Variants in PDSS2 observed in about 807,000 individuals in gnomAD.
The protein encoded by PDSS2 is decaprenyl diphosphate synthase subunit 2.
Under a neutral mutation model 44.5 loss-of-function variants are expected in PDSS2, and 31 were observed. That is an observed-to-expected ratio of 0.70 (90% CI 0.52 to 0.94). The LOEUF is 0.94. PDSS2 is among the 40% of genes least tolerant of loss of function. PDSS2 has a pLI of 0.00. For missense variants in PDSS2, 452 were observed against 482.2 expected (o/e 0.94, Z 0.59); for synonymous variants, 157 against 180.3 (o/e 0.87, Z 1.03).
At chr6:107,314,398 AT>A (rs1241099098) in intron 2 of PDSS2, among the ~76,000 whole-genome samples, 3 of 152,024 alleles carry the variant, frequency 2.0e-5, no homozygotes, top group Non-Finnish European at 2.9e-5. Flanking sequence ...CTAAAAATAT[AT>A]TTTTTTCTTT....
intron 2 of PDSS2, among the ~76,000 whole-genome samples, chr6:107,321,407 C>A (rs1193820444): frequency 1.3e-5 from 2 of 152,144 alleles, no homozygotes; most frequent in Non-Finnish European, 2.9e-5. Context: ...ATACATAAAT[C>A]AGTATTTACA....
chr6:107,384,605 C>T (rs1222717704), intron 1 of PDSS2, among the ~76,000 whole-genome samples: 1 of 150,216 alleles, frequency 6.7e-6, no homozygotes, highest in African/African-American at 2.5e-5. Context: ...CACGCTATTG[C>T]ATTCCAGTCC....
intron 1 of PDSS2, among the ~76,000 whole-genome samples, chr6:107,454,227 T>C (rs1230171791): frequency 6.6e-6 from 1 of 151,996 alleles, no homozygotes; most frequent in Non-Finnish European, 1.5e-5. Flanking sequence ...TTGGTATTTT[T>C]TGTAGAGATG....
intron 2 of PDSS2, among the ~76,000 whole-genome samples, chr6:107,328,269 C>T (rs913763051): frequency 1.3e-5 from 2 of 152,170 alleles, no homozygotes; most frequent in African/African-American, 4.8e-5. Flanking sequence ...GAGAGGTTAT[C>T]TAACTTGTCT....
intron 1 of PDSS2, among the ~76,000 whole-genome samples, chr6:107,401,633 C>T (rs1006661286): frequency 4.6e-5 from 7 of 152,044 alleles, no homozygotes; most frequent in African/African-American, 1.7e-4. Flanking sequence ...AGAAGCTCAA[C>T]AAGATAAAAG....
intron 7 of PDSS2, among the ~76,000 whole-genome samples, chr6:107,169,310 C>G (rs112823194): frequency 6.6e-6 from 1 of 152,076 alleles, no homozygotes; most frequent in Non-Finnish European, 1.5e-5. Flanking sequence ...AGTTCTTGTG[C>G]CATGGTTTTC....
intron 1 of PDSS2, among the ~76,000 whole-genome samples, chr6:107,382,165 A>G (rs926446849): frequency 1.3e-5 from 2 of 152,228 alleles, no homozygotes; most frequent in African/African-American, 4.8e-5. Flanking sequence ...TACAGCACAT[A>G]TCTGTGTATT....
intron 1 of PDSS2, among the ~76,000 whole-genome samples, chr6:107,400,005 G>A (rs1473020209): frequency 3.9e-5 from 6 of 152,002 alleles, no homozygotes; most frequent in East Asian, 1.9e-4. Flanking sequence ...AAATAAGAGC[G>A]GGCAGCAGCT....
intron 2 of PDSS2, among the ~76,000 whole-genome samples, chr6:107,289,458 G>A (rs1186420933): frequency 6.6e-6 from 1 of 151,958 alleles, no homozygotes; most frequent in African/African-American, 2.4e-5. Context: ...CAAGCACTGT[G>A]GGAGGACAAG....
rs566058286 is a variant in PDSS2, at chr6:107,459,504, C to T, written c.-219G>A. On this transcript the variant is annotated 5_prime_UTR_variant, in exon 1 of 8. Coordinates refer to ENST00000369037, the MANE Select transcript of PDSS2 (RefSeq NM_020381.4). The surrounding 1 kb of genome is among the most constrained non-coding windows in gnomAD (Gnocchi z 4.3). ...AACAGTCCCAGCTCAGCACTGCCCC[C>T]GGCCACCCGGGGTAGAAACCACAGC... 3.5e-6 allele frequency: 2 copies of T among 577,608 alleles called. No homozygotes were observed. Among genetic ancestry groups the T allele is most frequent in the African/African-American group, 1.9e-5 (1 of 53,474 alleles). The allele number at this position is 577,608 out of a possible 1,614,324, so 35.8% of individuals were successfully genotyped here. A position where few individuals can be genotyped will look rare whatever the true frequency, so the allele number is the denominator to read the frequency against.
rs1774107012 is a variant in PDSS2, at chr6:107,233,097, G to GGC, written c.702+12450_702+12451insGC. ...CTCCTAAAGTGCTGGGATTACAGATGTGAGCCACTGCGCTGGGTCCAATAG... is the reference window on the plus strand; with the variant it reads ...CTCCTAAAGTGCTGGGATTACAGATGGCTGAGCCACTGCGCTGGGTCCAATAG... On this transcript the variant is annotated intron_variant, in intron 4 of 7. Transcript: ENST00000369037. Among the ~76,000 whole-genome samples, 5 of 152,154 alleles carry GGC rather than the reference G, an allele frequency of 3.3e-5. No individual in the cohort carries two copies. In the South Asian group the frequency reaches 1.0e-3, roughly 32 times the overall value.
intron 1 of PDSS2, among the ~76,000 whole-genome samples, chr6:107,388,090 GA>G (rs1395967765): frequency 6.6e-5 from 10 of 151,926 alleles, no homozygotes; most frequent in African/African-American, 2.4e-4. Context: ...ATCAAAAAAC[GA>G]AGAAAAGAAA....
chr6:107,309,195 T>C (rs770956133), intron 2 of PDSS2, among the ~76,000 whole-genome samples: 2 of 152,244 alleles, frequency 1.3e-5, no homozygotes, highest in Non-Finnish European at 2.9e-5. Flanking sequence ...CAGTTAATTA[T>C]CAGAATGTCA....
At chr6:107,253,761 G>A (rs1774906400) in intron 3 of PDSS2, among the ~76,000 whole-genome samples, 1 of 152,064 alleles carries the variant, frequency 6.6e-6, no homozygotes, top group Admixed American at 6.6e-5. Flanking sequence ...CATGGTCTTG[G>A]ACTACTGAAG....
chr6:107,428,045 T>C (rs796168345), intron 1 of PDSS2, among the ~76,000 whole-genome samples: 1 of 152,380 alleles, frequency 6.6e-6, no homozygotes, highest in Non-Finnish European at 1.5e-5. Context: ...ATATCTATAA[T>C]GTTTAAAACT....
intron 1 of PDSS2, among the ~76,000 whole-genome samples, chr6:107,432,494 C>G (rs1401987545): frequency 6.6e-6 from 1 of 152,124 alleles, no homozygotes. Flanking sequence ...AGTGAACATT[C>G]AAAATCCTCT....
chr6:107,367,701 G>A (rs1779000860), intron 1 of PDSS2, among the ~76,000 whole-genome samples: 2 of 150,482 alleles, frequency 1.3e-5, no homozygotes, highest in Admixed American at 6.7e-5. Context: ...CAGAAGAATC[G>A]CTTGAACCCG....
At chr6:107,154,849 AG>A in intron 7 of PDSS2, 72 bp from the exon 8 acceptor site, 1 of 1,331,672 alleles carries the variant, frequency 7.5e-7, no homozygotes, top group South Asian at 1.2e-5. Context: ...TAAATTGGGG[AG>A]GGGAGATGGA....
chr6:107,208,060 C>T (rs562524676), intron 6 of PDSS2, among the ~76,000 whole-genome samples: 2 of 133,774 alleles, frequency 1.5e-5, no homozygotes, highest in African/African-American at 5.6e-5. Context: ...AATCTTGGCT[C>T]AATGCAACCT....
Sources: allele counts gnomAD v4.1 joint callset (sites outside exome capture counted in the v4.1 genomes callset), GRCh38; gene constraint gnomAD v4.1.1; non-coding constraint Gnocchi (gnomAD v3.1); transcripts MANE v1.5; gene names NCBI Gene and HGNC (gene_info 2026-07-23, HGNC 2026-07-21).